The following MGAT4C variants were observed in gnomAD, a reference collection of about 807,000 sequenced individuals.
MGAT4C encodes alpha-1,3-mannosyl-glycoprotein 4-beta-N-acetylglucosaminyltransferase C.
A neutral mutation model predicts 40.1 loss-of-function variants in MGAT4C; 19 were observed. The observed-to-expected ratio is 0.47, with a 90% CI of 0.33 to 0.70. MGAT4C has a LOEUF of 0.70. Among genes scored for constraint, MGAT4C ranks in the 30% least tolerant of loss-of-function variants. The pLI, the probability that MGAT4C is intolerant of heterozygous loss-of-function variation, is 0.02. For synonymous variants in MGAT4C, 181 were observed against 187.1 expected, an observed-to-expected ratio of 0.97 and a Z score of 0.27; for missense variants, 491 against 563.2, an observed-to-expected ratio of 0.87 and a Z score of 1.30.
intron 2 of MGAT4C, among the ~76,000 whole-genome samples, chr12:86,473,708 T>C (rs1469902101): frequency 1.3e-5 from 2 of 152,184 alleles, no homozygotes; most frequent in African/African-American, 4.8e-5. Flanking sequence ...ACTGCATCAT[T>C]TATTATTAAA....
chr12:86,609,397 G>T (rs890946764), intron 2 of MGAT4C, among the ~76,000 whole-genome samples: 1 of 151,980 alleles, frequency 6.6e-6, no homozygotes, highest in Admixed American at 6.6e-5. Flanking sequence ...CAAAATAACC[G>T]TGGAAGCTGC....
Position 86,165,345 on chromosome 12 carries a change from C to T in MGAT4C, c.-57+90894G>A, listed in dbSNP as rs150866378. On this transcript the variant is annotated intron_variant, in intron 1 of 4. Transcript: ENST00000611864. ...CACACACACATAAATTATGGGTTCT[C>T]TTTTTTAATATCACATGTAATCTAA... is the stretch of plus-strand genomic sequence containing the variant. Among the ~76,000 whole-genome samples, 6 of 152,100 alleles carry T rather than the reference C, an allele frequency of 3.9e-5. No individual in the cohort carries two copies. In the East Asian group the frequency reaches 1.2e-3, roughly 29 times the overall value.
rs1478753730 is a variant in MGAT4C, at chr12:86,586,100, C to A, written c.-229+141109G>T. On this transcript the variant is annotated intron_variant, in intron 2 of 7. Coordinates refer to the MGAT4C transcript ENST00000548651. ...TATCTCCTAAAGCTATCCCTCCCCC[C>A]TCCCCCCACCCCACAACAGTCCCCA... is the stretch of plus-strand genomic sequence containing the variant. Among the ~76,000 whole-genome samples, 400 of 110,064 alleles carry A rather than the reference C, an allele frequency of 3.6e-3. 3 individuals are homozygous for A. The highest frequency in any genetic ancestry group is 0.013 in the African/African-American group (389 of 28,888). 72.2% of individuals were successfully genotyped at this position (110,064 alleles called of 152,430 possible).
intron 4 of MGAT4C, among the ~76,000 whole-genome samples, chr12:86,320,346 C>T (rs1954351448): frequency 6.6e-6 from 1 of 152,072 alleles, no homozygotes; most frequent in African/African-American, 2.4e-5. Context: ...TCTTCCAGCT[C>T]CTTGAGTTAA....
chr12:85,995,604 A>G (rs1886530087), intron 2 of MGAT4C, among the ~76,000 whole-genome samples: 1 of 152,204 alleles, frequency 6.6e-6, no homozygotes, highest in African/African-American at 2.4e-5. Context: ...GCGGTACCTC[A>G]TGCCTGTATT....
At chr12:86,443,016 T>C (rs1236087785) in intron 2 of MGAT4C, among the ~76,000 whole-genome samples, 1 of 152,084 alleles carries the variant, frequency 6.6e-6, no homozygotes, top group Non-Finnish European at 1.5e-5. Flanking sequence ...TAGATATAAT[T>C]CTATTCCAAG....
chr12:86,013,766 A>G (rs1328936765), intron 2 of MGAT4C: 19 of 241,638 alleles, frequency 7.9e-5, no homozygotes, highest in African/African-American at 2.3e-4. Flanking sequence ...AATCTTAGTG[A>G]AAAAAAAAAA....
chr12:86,529,232 C>T (rs1958937076), intron 2 of MGAT4C, among the ~76,000 whole-genome samples: 1 of 152,066 alleles, frequency 6.6e-6, no homozygotes, highest in Admixed American at 6.6e-5. Context: ...GAAGTATCTC[C>T]ACTCATAAAG....
At chr12:86,683,174 TG>T (rs1950011450) in intron 2 of MGAT4C, among the ~76,000 whole-genome samples, 1 of 151,920 alleles carries the variant, frequency 6.6e-6, no homozygotes, top group Admixed American at 6.6e-5. Context: ...CCTCATAGGG[TG>T]GGGTTAAAAG....
chr12:86,394,488 AC>A (rs1204002248), intron 3 of MGAT4C, among the ~76,000 whole-genome samples: 1 of 140,900 alleles, frequency 7.1e-6, no homozygotes, highest in Non-Finnish European at 1.5e-5. Flanking sequence ...TTATATATAT[AC>A]TTTATATATA....
intron 1 of MGAT4C, among the ~76,000 whole-genome samples, chr12:86,253,364 GAA>G (rs1952383581): frequency 6.6e-6 from 1 of 151,790 alleles, no homozygotes; most frequent in African/African-American, 2.4e-5. Flanking sequence ...AAGAAAGAAA[GAA>G]AGAGAAATTG....
chr12:86,488,546 A>T (rs1317720282), intron 2 of MGAT4C, among the ~76,000 whole-genome samples: 1 of 152,114 alleles, frequency 6.6e-6, no homozygotes, highest in Non-Finnish European at 1.5e-5. Context: ...TGAGTAAGCA[A>T]ATTAGATTTA....
intron 2 of MGAT4C, among the ~76,000 whole-genome samples, chr12:86,586,361 T>C (rs1291598924): frequency 3.4e-5 from 2 of 58,530 alleles, no homozygotes; most frequent in African/African-American, 9.1e-5. Flanking sequence ...TGTTGGACAT[T>C]TGGGTTGGTT....
intron 1 of MGAT4C, among the ~76,000 whole-genome samples, chr12:86,149,672 G>A (rs1266477252): frequency 6.6e-6 from 1 of 152,154 alleles, no homozygotes; most frequent in Admixed American, 6.5e-5. Flanking sequence ...ATTATCTAAA[G>A]TAGATACTCC....
Position 86,764,072 on chromosome 12 carries a change from C to T in MGAT4C, c.-261-36831G>A, listed in dbSNP as rs181741782. Among the ~76,000 whole-genome samples, 121 of 152,096 alleles carry T rather than the reference C, an allele frequency of 8.0e-4. 1 individual carries two copies. Among genetic ancestry groups the T allele is most frequent in the African/African-American group, 2.8e-3 (116 of 41,506 alleles). ...AAGCAGGGTGAGGCATTGCCTCACT[C>T]CAGAAGCGCAAGGGGTCAGGGAGTT... is the stretch of plus-strand genomic sequence containing the variant. On this transcript the variant is annotated intron_variant, in intron 1 of 7. Transcript: ENST00000548651.
At chr12:86,283,540 T>G (rs1440343617) in intron 4 of MGAT4C, among the ~76,000 whole-genome samples, 2 of 152,010 alleles carry the variant, frequency 1.3e-5, no homozygotes, top group African/African-American at 4.8e-5. Context: ...CAAGTTTGGT[T>G]TCTTCTTAAC....
chr12:86,420,238 G>A (rs966073129), intron 3 of MGAT4C, among the ~76,000 whole-genome samples: 3 of 151,984 alleles, frequency 2.0e-5, no homozygotes, highest in Admixed American at 6.6e-5. Flanking sequence ...AAAAATTAGC[G>A]GAGCATGGTG....
intron 1 of MGAT4C, among the ~76,000 whole-genome samples, chr12:86,194,792 A>C (rs55886852): frequency 0.083 from 12,673 of 152,210 alleles, 626 homozygotes; most frequent in Middle Eastern, 0.22. Context: ...TCAGCCTGTG[A>C]TAAGATTGAT....
chr12:86,509,200 C>G (rs554756730), intron 2 of MGAT4C, among the ~76,000 whole-genome samples: 1 of 152,066 alleles, frequency 6.6e-6, no homozygotes, highest in Non-Finnish European at 1.5e-5. Context: ...TGAGGTCTAA[C>G]GTTTAAGTCT....
Sources: allele counts gnomAD v4.1 joint callset (sites outside exome capture counted in the v4.1 genomes callset), GRCh38; gene constraint gnomAD v4.1.1; transcripts MANE v1.5; gene names NCBI Gene and HGNC (gene_info 2026-07-23, HGNC 2026-07-21).